Variants in COL23A1 observed in about 807,000 individuals in gnomAD.
COL23A1 encodes the protein collagen alpha-1(XXIII) chain.
Under a neutral mutation model 99.3 loss-of-function variants are expected in COL23A1, and 97 were observed. That is an observed-to-expected ratio of 0.98 (90% confidence interval 0.83 to 1.16). The LOEUF is 1.16. Among genes scored for constraint, COL23A1 ranks in the 50% most tolerant of loss-of-function variants. The probability of loss-of-function intolerance (pLI) is 0.00; values close to 1 mark genes in which losing one functional copy is unlikely to be tolerated. For missense variants in COL23A1, 762 were observed against 757.4 expected (o/e 1.01, Z -0.07); for synonymous variants, 320 against 308.2 (o/e 1.04, Z -0.40).
intron 2 of COL23A1, among the ~76,000 whole-genome samples, chr5:178,493,388 T>C (rs1032986039): frequency 1.3e-5 from 2 of 152,218 alleles, no homozygotes; most frequent in African/African-American, 2.4e-5. Context: ...GCTATTCCAA[T>C]GTAGGAAACA....
At chr5:178,509,100 A>G (rs908910275) in intron 2 of COL23A1, among the ~76,000 whole-genome samples, 1 of 152,132 alleles carries the variant, frequency 6.6e-6, no homozygotes, top group African/African-American at 2.4e-5. Context: ...TCTAGATCCC[A>G]GCTTCTCCAT....
chr5:178,481,264 T>C (rs549632703), intron 2 of COL23A1, among the ~76,000 whole-genome samples: 21 of 149,382 alleles, frequency 1.4e-4, no homozygotes, highest in East Asian at 7.9e-4. Context: ...AACTTAAGAG[T>C]AAAAACTATA....
At chr5:178,378,792 C>T (rs969002161) in intron 2 of COL23A1, among the ~76,000 whole-genome samples, 11 of 152,110 alleles carry the variant, frequency 7.2e-5, no homozygotes, top group Non-Finnish European at 2.9e-5. Flanking sequence ...GAATGGAGAC[C>T]GCTGGCAGGT....
chr5:178,265,198 T>A (rs1755811936), intron 8 of COL23A1, among the ~76,000 whole-genome samples: 1 of 152,104 alleles, frequency 6.6e-6, no homozygotes, highest in South Asian at 2.1e-4. Flanking sequence ...CTTTCCCAAT[T>A]AAAAAATCAG....
intron 2 of COL23A1, among the ~76,000 whole-genome samples, chr5:178,393,874 G>C (rs764823573): frequency 1.3e-5 from 2 of 152,118 alleles, no homozygotes; most frequent in African/African-American, 2.4e-5. Flanking sequence ...TAATCCACCT[G>C]CTTTGGCCTC....
intron 2 of COL23A1, among the ~76,000 whole-genome samples, chr5:178,355,613 A>G (rs1761600558): frequency 6.6e-6 from 1 of 152,004 alleles, no homozygotes; most frequent in Admixed American, 6.6e-5. Flanking sequence ...GCTCACTGCA[A>G]CCGCCGCCTC....
chr5:178,254,530 C>T (rs192858255), intron 16 of COL23A1, among the ~76,000 whole-genome samples: 128 of 152,296 alleles, frequency 8.4e-4, no homozygotes, highest in Non-Finnish European at 1.3e-3. Flanking sequence ...CGACTGGGCT[C>T]GGAGGTCACA....
At chr5:178,528,419 C>T (rs1760446627) in intron 2 of COL23A1, among the ~76,000 whole-genome samples, 1 of 152,228 alleles carries the variant, frequency 6.6e-6, no homozygotes, top group Non-Finnish European at 1.5e-5. Context: ...ACTGACCCCA[C>T]TCCCCACTCG....
intron 2 of COL23A1, among the ~76,000 whole-genome samples, chr5:178,361,574 C>T (rs1762176686): frequency 6.6e-6 from 1 of 152,088 alleles, no homozygotes; most frequent in Non-Finnish European, 1.5e-5. Context: ...ACCCCTGGCC[C>T]CCTGGCCTTG....
intron 2 of COL23A1, among the ~76,000 whole-genome samples, chr5:178,485,440 AC>A (rs930163069): frequency 1.3e-4 from 20 of 150,200 alleles, no homozygotes; most frequent in Admixed American, 1.2e-3. Context: ...GCACCACTGC[AC>A]TCCAGCCTGG....
intron 3 of COL23A1, among the ~76,000 whole-genome samples, chr5:178,294,751 T>C (rs966777946): frequency 6.6e-6 from 1 of 152,248 alleles, no homozygotes; most frequent in Non-Finnish European, 1.5e-5. Flanking sequence ...CTTTTCCACC[T>C]ATGGTTCATA....
Position 178,408,975 on chromosome 5 carries a change from TACACACACACACACAC to T in COL23A1, c.362-102072_362-102057del, listed in dbSNP as rs61457266. On this transcript the variant is annotated intron_variant, in intron 2 of 28. Coordinates refer to ENST00000390654, the MANE Select transcript of COL23A1 (RefSeq NM_173465.4). ...TGTCTCAAAAAAAAAAAAAAAAAAA[TACACACACACACACAC>T]ACACACACACACACACACACACACA... 1.8e-3 allele frequency among the ~76,000 whole-genome samples: 183 copies of T among 101,652 alleles called. 1 individual carries two copies. The highest frequency in any genetic ancestry group is 5.5e-3 in the African/African-American group (141 of 25,740). 66.7% of individuals were successfully genotyped at this position (101,652 alleles called of 152,430 possible).
At position 178,300,016 on chromosome 5, in the gene COL23A1, A is replaced by C. The variant is rs1757945865; in HGVS notation, c.406+6859T>G. On this transcript the variant is annotated intron_variant, in intron 3 of 28. Transcript: ENST00000390654. ...TGATCCGCCCGCCTTGGCCTCCCAA[A>C]GTGCTGGGATTGCAGGCATAAGCCA... Among the ~76,000 whole-genome samples, 4 of 151,616 alleles carry C rather than the reference A, an allele frequency of 2.6e-5. No individual in the cohort carries two copies. In the South Asian group the frequency reaches 8.3e-4, roughly 32 times the overall value.
intron 2 of COL23A1, among the ~76,000 whole-genome samples, chr5:178,559,812 CAA>C (rs1465588895): frequency 2.2e-5 from 3 of 135,784 alleles, no homozygotes; most frequent in Non-Finnish European, 4.7e-5. Context: ...ACACATCACC[CAA>C]AAGTCACCTT....
chr5:178,455,261 G>T (rs555826236), intron 2 of COL23A1, among the ~76,000 whole-genome samples: 9 of 152,306 alleles, frequency 5.9e-5, no homozygotes, highest in Admixed American at 2.0e-4. Flanking sequence ...AGTCACGCAC[G>T]GGCCTGCCCG....
intron 2 of COL23A1, among the ~76,000 whole-genome samples, chr5:178,350,097 A>C (rs1761232398): frequency 6.6e-6 from 1 of 152,190 alleles, no homozygotes; most frequent in Non-Finnish European, 1.5e-5. Context: ...AGGGACACCA[A>C]GCCTGTGCCA....
intron 11 of COL23A1, among the ~76,000 whole-genome samples, chr5:178,260,930 G>A (rs923984066): frequency 1.3e-5 from 2 of 152,332 alleles, no homozygotes; most frequent in East Asian, 3.9e-4. Flanking sequence ...ACACACACTT[G>A]TCCGAATCCA....
At chr5:178,523,143 A>AATATATATATATATATATATATATATAAT (rs34569306) in intron 2 of COL23A1, among the ~76,000 whole-genome samples, 1 of 106,228 alleles carries the variant, frequency 9.4e-6, no homozygotes, top group African/African-American at 3.2e-5. Flanking sequence ...TCTATTTAAA[A>AATATATATATATATATATATATATATAAT]ATATATATAT....
chr5:178,242,655 G>A (rs1367340139), intron 25 of COL23A1, among the ~76,000 whole-genome samples: 1 of 152,236 alleles, frequency 6.6e-6, no homozygotes, highest in African/African-American at 2.4e-5. Flanking sequence ...CTGCTGGCAA[G>A]GGGCTGTCTC....
Sources: allele counts gnomAD v4.1 joint callset (sites outside exome capture counted in the v4.1 genomes callset), GRCh38; gene constraint gnomAD v4.1.1; transcripts MANE v1.5; gene names NCBI Gene and HGNC (gene_info 2026-07-23, HGNC 2026-07-21).